ANGPTL6: variants seen among roughly 807,000 people sequenced by gnomAD.
The protein encoded by ANGPTL6 is angiopoietin like 6.
In ANGPTL6, 45 loss-of-function variants were observed where a neutral mutation model predicts 47.4. That is an observed-to-expected ratio of 0.95 (90% CI 0.75 to 1.22). The LOEUF (loss-of-function observed/expected upper bound fraction) is 1.22, where lower values mean the gene tolerates loss of function less well. Ranked by LOEUF, ANGPTL6 falls within the 50% of genes most tolerant of loss-of-function variation. ANGPTL6 has a pLI of 0.00. For synonymous variants in ANGPTL6, 290 were observed against 295.9 expected, an observed-to-expected ratio of 0.98 and a Z score of 0.20; for missense variants, 698 against 669.4, an observed-to-expected ratio of 1.04 and a Z score of -0.47.
intron 3 of ANGPTL6, among the ~76,000 whole-genome samples, chr19:10,094,119 G>A (rs978587800): frequency 1.3e-5 from 2 of 151,682 alleles, no homozygotes; most frequent in South Asian, 4.1e-4. Context: ...TGGGTCCCTT[G>A]TCTCTAATCA....
chr19:10,094,480 T>C (rs568915553), intron 3 of ANGPTL6: 10 of 439,104 alleles, frequency 2.3e-5, no homozygotes, highest in Non-Finnish European at 4.0e-5. Context: ...TTTTTTATGG[T>C]CTCCTCACCA....
upstream of ANGPTL6, among the ~76,000 whole-genome samples, chr19:10,105,667 G>A (rs1022853067): frequency 4.0e-5 from 6 of 151,858 alleles, no homozygotes; most frequent in African/African-American, 1.5e-4. Context: ...GGGTGCCAGA[G>A]AGAGCAAGGA....
intron 1 of ANGPTL6, among the ~76,000 whole-genome samples, chr19:10,100,187 G>A (rs991257013): frequency 1.3e-5 from 2 of 151,782 alleles, no homozygotes; most frequent in African/African-American, 4.8e-5. Flanking sequence ...AGAGGTTGCA[G>A]TGAGCTGAGA....
At chr19:10,104,673 T>C (rs373504677), upstream of ANGPTL6, among the ~76,000 whole-genome samples, 1 of 152,116 alleles carries the variant, frequency 6.6e-6, no homozygotes, top group Non-Finnish European at 1.5e-5. Flanking sequence ...TTAAAAAAAA[T>C]TTTTAAAAAG....
chr19:10,096,667 G>GC, intron 1 of ANGPTL6, 94 bp from the exon 2 acceptor site: 1 of 982,320 alleles, frequency 1.0e-6, no homozygotes, highest in Non-Finnish European at 1.4e-6. Flanking sequence ...CTACACCCGC[G>GC]ATGTCCCGGG....
chr19:10,101,587 C>A (rs1216800377), intron 1 of ANGPTL6, among the ~76,000 whole-genome samples: 2 of 150,404 alleles, frequency 1.3e-5, no homozygotes, highest in Non-Finnish European at 3.0e-5. Context: ...GCGGGAGGAT[C>A]ACCTGAGGTC....
At chr19:10,105,512 A>C (rs758102500), upstream of ANGPTL6, among the ~76,000 whole-genome samples, 1 of 152,114 alleles carries the variant, frequency 6.6e-6, no homozygotes, top group Non-Finnish European at 1.5e-5. Flanking sequence ...AGACACAGAG[A>C]AAGGAAACTT....
At chr19:10,102,514 T>G (rs2088708105) in intron 1 of ANGPTL6, 54 bp downstream of exon 1, 2 of 975,544 alleles carry the variant, frequency 2.1e-6, no homozygotes, top group African/African-American at 3.5e-5. Context: ...CAAGCTGTGG[T>G]CGGAGTTTCC....
intron 1 of ANGPTL6, among the ~76,000 whole-genome samples, chr19:10,101,080 G>A (rs1027408135): frequency 1.3e-5 from 2 of 152,056 alleles, no homozygotes; most frequent in African/African-American, 2.4e-5. Flanking sequence ...GTAGTGGCAC[G>A]CGCCTGTAGT....
At chr19:10,099,916 G>A (rs1310071712) in intron 1 of ANGPTL6, among the ~76,000 whole-genome samples, 4 of 130,610 alleles carry the variant, frequency 3.1e-5, no homozygotes, top group South Asian at 4.7e-4. Flanking sequence ...ACGGAGTCTC[G>A]CTCTGCAATC....
At chr19:10,105,473 G>C (rs1345086736), upstream of ANGPTL6, among the ~76,000 whole-genome samples, 1 of 152,166 alleles carries the variant, frequency 6.6e-6, no homozygotes, top group Non-Finnish European at 1.5e-5. Flanking sequence ...CAGGGAGGCA[G>C]ATGAGAAGAA....
chr19:10,102,750 T>C, upstream of ANGPTL6: 1 of 984,628 alleles, frequency 1.0e-6, no homozygotes, highest in South Asian at 4.7e-5. Context: ...GCTGGGATGC[T>C]GGGCCCAGGA....
chr19:10,095,077 G>A, intron 2 of ANGPTL6, 139 bp from the exon 3 acceptor site: 1 of 919,762 alleles, frequency 1.1e-6, no homozygotes, highest in Non-Finnish European at 1.6e-6. Context: ...CCCAGCCCTA[G>A]GAATGATCCT....
upstream of ANGPTL6, among the ~76,000 whole-genome samples, chr19:10,103,798 G>A (rs1388602151): frequency 6.6e-6 from 1 of 151,030 alleles, no homozygotes; most frequent in African/African-American, 2.4e-5. Context: ...TTTATAATTA[G>A]AAATAAAAAT....
At chr19:10,094,394 C>G in intron 3 of ANGPTL6, 1 of 285,334 alleles carries the variant, frequency 3.5e-6, no homozygotes, top group South Asian at 3.4e-5. Flanking sequence ...GATCCACCCG[C>G]CTCGGCCTCC....
chr19:10,099,844 T>TG (rs1491096480), intron 1 of ANGPTL6, among the ~76,000 whole-genome samples: 2 of 91,452 alleles, frequency 2.2e-5, no homozygotes, highest in Non-Finnish European at 4.7e-5. Context: ...TCTCTCTCTC[T>TG]TTCTCTCTTT....
chr19:10,103,582 GAAATTCCATCTCAAAA>G (rs2088732857), upstream of ANGPTL6, among the ~76,000 whole-genome samples: 2 of 145,946 alleles, frequency 1.4e-5, no homozygotes, highest in African/African-American at 5.1e-5. Context: ...CGACAAGACT[GAAATTCCATCTCAAAA>G]ATAAATAAAT....
chr19:10,104,292 T>G (rs974606444), upstream of ANGPTL6, among the ~76,000 whole-genome samples: 3 of 94,740 alleles, frequency 3.2e-5, no homozygotes, highest in Non-Finnish European at 6.2e-5. Context: ...TTCTTTGGTG[T>G]TTTTTTTGTT....
upstream of ANGPTL6, among the ~76,000 whole-genome samples, chr19:10,103,816 T>G (rs6511435): frequency 1.7e-4 from 25 of 150,900 alleles, 1 homozygote; most frequent in Admixed American, 5.3e-4. Flanking sequence ...AATGTAAGGC[T>G]GGGCGCGGTG....
Sources: allele counts gnomAD v4.1 joint callset (sites outside exome capture counted in the v4.1 genomes callset), GRCh38; gene constraint gnomAD v4.1.1; transcripts MANE v1.5; gene names NCBI Gene and HGNC (gene_info 2026-07-23, HGNC 2026-07-21).